NUP98: variants seen among roughly 807,000 people sequenced by gnomAD.
The protein encoded by NUP98 is nuclear pore complex protein Nup98-Nup96.
A neutral mutation model predicts 191.9 loss-of-function variants in NUP98; 26 were observed. The ratio of observed to expected loss-of-function variants is 0.14; its 90% CI spans 0.10 to 0.19. The LOEUF is 0.19. NUP98 is among the 10% of genes least tolerant of loss of function. The probability of loss-of-function intolerance (pLI) is 1.00; values close to 1 mark genes in which losing one functional copy is unlikely to be tolerated. For synonymous variants in NUP98, 808 were observed against 778.4 expected, an observed-to-expected ratio of 1.04 and a Z score of -0.63; for missense variants, 1,941 against 2,178.8, an observed-to-expected ratio of 0.89 and a Z score of 2.17.
intron 18 of NUP98, among the ~76,000 whole-genome samples, chr11:3,715,588 A>G (rs1388248911): frequency 3.9e-5 from 6 of 152,170 alleles, no homozygotes; most frequent in Non-Finnish European, 2.9e-5. Context: ...TCCTTTGCCA[A>G]TATTTTCTTC....
At chr11:3,749,921 T>G (rs998245318) in intron 11 of NUP98, among the ~76,000 whole-genome samples, 1 of 152,194 alleles carries the variant, frequency 6.6e-6, no homozygotes, top group African/African-American at 2.4e-5. Context: ...ATTAGCAAAT[T>G]CAACCAAAAT....
intron 21 of NUP98, among the ~76,000 whole-genome samples, chr11:3,705,841 G>A (rs1373879143): frequency 6.6e-6 from 1 of 151,960 alleles, no homozygotes. Context: ...CTTGCACAAA[G>A]TAATAAAGTT....
intron 4 of NUP98, among the ~76,000 whole-genome samples, chr11:3,777,546 G>T (rs571098657): frequency 2.0e-5 from 3 of 151,112 alleles, no homozygotes; most frequent in African/African-American, 7.3e-5. Context: ...GCTTAAACTG[G>T]GGAGGCGGAG....
At chr11:3,792,192 A>C (rs1229070590) in intron 1 of NUP98, among the ~76,000 whole-genome samples, 4 of 148,910 alleles carry the variant, frequency 2.7e-5, no homozygotes, top group African/African-American at 7.5e-5. Context: ...AAAAAAAAAA[A>C]AAAAAAAAAA....
intron 30 of NUP98, among the ~76,000 whole-genome samples, chr11:3,681,447 G>T (rs546454625): frequency 1.5e-4 from 23 of 152,296 alleles, no homozygotes; most frequent in African/African-American, 5.1e-4. Flanking sequence ...CTTATGAAAT[G>T]TATTTCTTAA....
intron 1 of NUP98, among the ~76,000 whole-genome samples, chr11:3,790,428 G>C (rs886768349): frequency 3.3e-5 from 5 of 152,154 alleles, no homozygotes; most frequent in Non-Finnish European, 7.3e-5. Context: ...TAGATTAGTG[G>C]TTCTCAAAGT....
intron 6 of NUP98, among the ~76,000 whole-genome samples, 188 bp downstream of exon 6, chr11:3,773,444 T>A (rs1165781710): frequency 6.6e-6 from 1 of 151,994 alleles, no homozygotes; most frequent in East Asian, 1.9e-4. Context: ...CTGAATATTA[T>A]CCCTGCCTAA....
chr11:3,745,360 T>C (rs1398897160), intron 11 of NUP98, among the ~76,000 whole-genome samples: 1 of 152,170 alleles, frequency 6.6e-6, no homozygotes, highest in African/African-American at 2.4e-5. Flanking sequence ...GCTCAACGTC[T>C]TCTGGTGAGG....
At chr11:3,716,302 C>A (rs1286609037) in intron 18 of NUP98, among the ~76,000 whole-genome samples, 1 of 151,594 alleles carries the variant, frequency 6.6e-6, no homozygotes, top group Non-Finnish European at 1.5e-5. Context: ...TTGCCAGCAT[C>A]CTTTGTTGAA....
At chr11:3,744,405 T>TA in intron 12 of NUP98, 104 bp downstream of exon 12, 1 of 1,132,582 alleles carries the variant, frequency 8.8e-7, no homozygotes, top group South Asian at 1.8e-5. Context: ...GACATGCATG[T>TA]ATGCAATGCC....
intron 26 of NUP98, among the ~76,000 whole-genome samples, chr11:3,695,085 C>T (rs767881893): frequency 2.0e-5 from 3 of 152,168 alleles, no homozygotes; most frequent in Non-Finnish European, 4.4e-5. Context: ...ATCACTTGAA[C>T]TTAGGAGATG....
intron 14 of NUP98, among the ~76,000 whole-genome samples, chr11:3,730,099 G>C (rs1476312845): frequency 1.3e-5 from 2 of 151,980 alleles, no homozygotes; most frequent in South Asian, 4.1e-4. Context: ...GCCAGGCATG[G>C]TGGCACGTGC....
At chr11:3,781,449 AAAC>A (rs2133947187) in intron 2 of NUP98, 1 of 150,570 alleles carries the variant, frequency 6.6e-6, no homozygotes, top group South Asian at 2.1e-4. Flanking sequence ...TTTCACCAGG[AAAC>A]AAAATTTTTT....
intron 17 of NUP98, 89 bp from the exon 18 acceptor site, chr11:3,719,639 G>T: frequency 1.0e-6 from 1 of 979,086 alleles, no homozygotes; most frequent in Non-Finnish European, 1.4e-6. Context: ...ATCACAAGGA[G>T]AAAGCAGTTT....
intron 4 of NUP98, among the ~76,000 whole-genome samples, chr11:3,777,392 G>A (rs1445306966): frequency 6.6e-6 from 1 of 152,130 alleles, no homozygotes; most frequent in African/African-American, 2.4e-5. Context: ...GGAGGCCAAG[G>A]CGGGTGGATC....
intron 12 of NUP98, among the ~76,000 whole-genome samples, chr11:3,739,904 A>G (rs918352122): frequency 2.0e-5 from 3 of 151,994 alleles, no homozygotes; most frequent in African/African-American, 7.3e-5. Flanking sequence ...CAAGACCAAC[A>G]CCTTCCTCCA....
At chr11:3,706,264 A>G (rs2134135957) in intron 21 of NUP98, among the ~76,000 whole-genome samples, 181 bp downstream of exon 21, 1 of 152,322 alleles carries the variant, frequency 6.6e-6, no homozygotes. Flanking sequence ...TTCTCAATAT[A>G]GCCTTATCTC....
intron 26 of NUP98, among the ~76,000 whole-genome samples, chr11:3,694,727 G>A (rs1251941011): frequency 2.7e-5 from 4 of 150,066 alleles, no homozygotes; most frequent in Non-Finnish European, 5.9e-5. Context: ...GCAACAGAGC[G>A]AGACTCTGTC....
intron 10 of NUP98, among the ~76,000 whole-genome samples, chr11:3,759,272 T>C (rs746986174): frequency 4.6e-5 from 7 of 152,222 alleles, no homozygotes; most frequent in South Asian, 2.1e-4. Flanking sequence ...ATGCTGAATT[T>C]TGAAAACATA....
Sources: allele counts gnomAD v4.1 joint callset (sites outside exome capture counted in the v4.1 genomes callset), GRCh38; gene constraint gnomAD v4.1.1; transcripts MANE v1.5; gene names NCBI Gene and HGNC (gene_info 2026-07-23, HGNC 2026-07-21).